MBOAT2: variants seen among roughly 807,000 people sequenced by gnomAD.
MBOAT2 encodes the protein membrane-bound glycerophospholipid O-acyltransferase 2.
In MBOAT2, 28 loss-of-function variants were observed where a neutral mutation model predicts 63.4. The observed-to-expected ratio is 0.44, with a 90% CI of 0.33 to 0.61. The LOEUF is 0.61. MBOAT2 is among the 20% of genes least tolerant of loss of function. The pLI, the probability that MBOAT2 is intolerant of heterozygous loss-of-function variation, is 0.03. For missense variants in MBOAT2, 470 were observed against 605.8 expected (o/e 0.78, Z 2.35); for synonymous variants, 211 against 215.6 (o/e 0.98, Z 0.19).
intron 11 of MBOAT2, 169 bp from the exon 12 acceptor site, chr2:8,860,933 A>T (rs1335093136): frequency 1.5e-5 from 8 of 543,826 alleles, no homozygotes; most frequent in African/African-American, 1.1e-4. Flanking sequence ...GTTCTAAAAA[A>T]GCGAATACAC....
intron 1 of MBOAT2, among the ~76,000 whole-genome samples, chr2:8,976,332 T>C (rs1315107478): frequency 1.3e-5 from 2 of 151,964 alleles, no homozygotes; most frequent in Admixed American, 1.3e-4. Flanking sequence ...AAAATTCCTA[T>C]GAACTGAGAA....
At chr2:8,912,112 T>C (rs562116713) in intron 3 of MBOAT2, among the ~76,000 whole-genome samples, 8 of 151,844 alleles carry the variant, frequency 5.3e-5, no homozygotes, top group South Asian at 4.2e-4. Context: ...AAGCCACCTA[T>C]GACAAACCCA....
intron 3 of MBOAT2, among the ~76,000 whole-genome samples, chr2:8,942,740 G>A (rs183571689): frequency 1.8e-4 from 28 of 152,200 alleles, no homozygotes; most frequent in Admixed American, 7.2e-4. Context: ...ATTTCCTACC[G>A]GTCCTTCTAA....
chr2:8,868,591 T>A, intron 8 of MBOAT2, 42 bp from the exon 9 acceptor site: 1 of 1,477,032 alleles, frequency 6.8e-7, no homozygotes, highest in Non-Finnish European at 9.4e-7. Flanking sequence ...AGAATCTCCA[T>A]AACAATTTAC....
At chr2:8,954,110 C>A (rs1669032882) in intron 2 of MBOAT2, among the ~76,000 whole-genome samples, 1 of 151,482 alleles carries the variant, frequency 6.6e-6, no homozygotes, top group Non-Finnish European at 1.5e-5. Flanking sequence ...TTCTTCTTTC[C>A]TTTTTCCTTT....
intron 1 of MBOAT2, among the ~76,000 whole-genome samples, chr2:8,978,700 A>G (rs935067589): frequency 6.6e-6 from 1 of 152,156 alleles, no homozygotes; most frequent in Non-Finnish European, 1.5e-5. Context: ...CATTAGGACA[A>G]ATAGCTAATG....
chr2:8,904,137 G>A (rs1293169358), intron 4 of MBOAT2, among the ~76,000 whole-genome samples: 1 of 151,734 alleles, frequency 6.6e-6, no homozygotes, highest in Non-Finnish European at 1.5e-5. Flanking sequence ...CCACCACGTG[G>A]CTAATTTTTG....
At chr2:8,869,887 A>G (rs1304109090) in intron 8 of MBOAT2, among the ~76,000 whole-genome samples, 1 of 152,122 alleles carries the variant, frequency 6.6e-6, no homozygotes, top group African/African-American at 2.4e-5. Context: ...GCCTACTGTG[A>G]TCTAAGAGCA....
At chr2:8,969,495 T>A (rs1281359204) in intron 1 of MBOAT2, among the ~76,000 whole-genome samples, 2 of 152,182 alleles carry the variant, frequency 1.3e-5, no homozygotes, top group Non-Finnish European at 2.9e-5. Flanking sequence ...AACATCTTAA[T>A]GACAGGATCA....
intron 1 of MBOAT2, among the ~76,000 whole-genome samples, chr2:8,967,378 T>A (rs1006321788): frequency 6.6e-6 from 1 of 152,230 alleles, no homozygotes; most frequent in Non-Finnish European, 1.5e-5. Context: ...AAATATGTAA[T>A]GGCTCTAATG....
At position 8,855,648 on chromosome 2, in the gene MBOAT2, A is replaced by C. The variant is rs756771150; in HGVS notation, c.*3031T>G. On this transcript the variant is annotated 3_prime_UTR_variant, in exon 13 of 13. Coordinates refer to ENST00000305997, the MANE Select transcript of MBOAT2 (RefSeq NM_138799.4). ...TAAATAAATTCCCCCAATTACCCTGAGTTCCAATAAAAATACTTACTTTAA... is the reference window on the plus strand; with the variant it reads ...TAAATAAATTCCCCCAATTACCCTGCGTTCCAATAAAAATACTTACTTTAA... The C allele has an allele frequency of 2.0e-5, 3 of 152,222 alleles. No individual in the cohort carries two copies. The highest frequency in any genetic ancestry group is 2.9e-5 in the Non-Finnish European group (2 of 68,044). 9.4% of individuals were successfully genotyped at this position (152,222 alleles called of 1,614,324 possible). A position where few individuals can be genotyped will look rare whatever the true frequency, so the allele number is the denominator to read the frequency against.
At chr2:8,882,616 C>T in intron 5 of MBOAT2, 51 bp from the exon 6 acceptor site, 1 of 1,530,910 alleles carries the variant, frequency 6.5e-7, no homozygotes, top group Non-Finnish European at 9.1e-7. Context: ...CCCAAAATGG[C>T]ATTTTTGCCC....
At chr2:8,873,757 C>G (rs1319021372) in intron 7 of MBOAT2, among the ~76,000 whole-genome samples, 1 of 152,130 alleles carries the variant, frequency 6.6e-6, no homozygotes, top group African/African-American at 2.4e-5. Context: ...CTATGCATCT[C>G]TGTAAATCTG....
intron 3 of MBOAT2, among the ~76,000 whole-genome samples, chr2:8,922,950 GC>G (rs930664757): frequency 1.3e-5 from 2 of 152,200 alleles, no homozygotes; most frequent in African/African-American, 4.8e-5. Context: ...TTCATGGCCA[GC>G]CTTGCCCTTG....
intron 3 of MBOAT2, among the ~76,000 whole-genome samples, chr2:8,909,249 T>C (rs1023163126): frequency 1.3e-5 from 2 of 152,046 alleles, no homozygotes. Context: ...AAACATAGCA[T>C]GGGAAAAAGA....
At chr2:8,919,251 C>A (rs1273211933) in intron 3 of MBOAT2, among the ~76,000 whole-genome samples, 3 of 152,190 alleles carry the variant, frequency 2.0e-5, no homozygotes. Flanking sequence ...AACCTAACAA[C>A]AGAATTTTCA....
chr2:8,966,375 A>T (rs1387214934), intron 1 of MBOAT2, among the ~76,000 whole-genome samples: 1 of 152,202 alleles, frequency 6.6e-6, no homozygotes, highest in Non-Finnish European at 1.5e-5. Flanking sequence ...CTTCAGTTTC[A>T]AGCGCCCTGT....
At position 8,853,238 on chromosome 2, in the gene MBOAT2, C is replaced by T. The variant is rs1328548436; in HGVS notation, c.*5441G>A. 6.6e-6 allele frequency: 1 copy of T among 152,164 alleles called. No individual in the cohort carries two copies. The highest frequency in any genetic ancestry group is 1.5e-5 in the Non-Finnish European group (1 of 68,028). 9.4% of individuals were successfully genotyped at this position (152,164 alleles called of 1,614,324 possible). Reference sequence around the variant, plus strand: ...CCCTTCTGGTTCAGAGGAGCAGTCACATAAAAGTGACAAGATGGACAAGAC... The same window carrying T: ...CCCTTCTGGTTCAGAGGAGCAGTCATATAAAAGTGACAAGATGGACAAGAC... On this transcript the variant is annotated 3_prime_UTR_variant, in exon 13 of 13. Transcript: ENST00000305997.
intron 4 of MBOAT2, among the ~76,000 whole-genome samples, chr2:8,905,379 A>G (rs1665253356): frequency 6.6e-6 from 1 of 152,176 alleles, no homozygotes; most frequent in Non-Finnish European, 1.5e-5. Flanking sequence ...CTTCAAGTTC[A>G]TTCTGCCACA....
Sources: allele counts gnomAD v4.1 joint callset (sites outside exome capture counted in the v4.1 genomes callset), GRCh38; gene constraint gnomAD v4.1.1; transcripts MANE v1.5; gene names NCBI Gene and HGNC (gene_info 2026-07-23, HGNC 2026-07-21).